RBFOX3: variants seen among roughly 807,000 people sequenced by gnomAD.
RBFOX3 encodes RNA binding fox-1 homolog 3, also known as RNA binding protein fox-1 homolog 3.
In RBFOX3, 17 loss-of-function variants were observed where a neutral mutation model predicts 48.7. That is an observed-to-expected ratio of 0.35 (90% CI 0.24 to 0.52). The LOEUF (loss-of-function observed/expected upper bound fraction) is 0.52, where lower values mean the gene tolerates loss of function less well. Ranked by LOEUF, RBFOX3 falls within the 20% of genes least tolerant of loss-of-function variation. The pLI, the probability that RBFOX3 is intolerant of heterozygous loss-of-function variation, is 0.94. For synonymous variants in RBFOX3, 212 were observed against 209.5 expected (o/e 1.01, Z -0.10); for missense variants, 382 against 497.5 (o/e 0.77, Z 2.21).
chr17:79,591,213 G>A (rs2093406805), intron 1 of RBFOX3, among the ~76,000 whole-genome samples: 1 of 152,084 alleles, frequency 6.6e-6, no homozygotes, highest in Admixed American at 6.6e-5. Flanking sequence ...CCGGGGGTCG[G>A]CACCCATTGC....
In RBFOX3 at chr17:79,391,206, G is replaced by A. The variant is rs567317577; in HGVS notation, c.-174-83382C>T. 6.6e-6 allele frequency among the ~76,000 whole-genome samples: 1 copy of A among 152,054 alleles called. No individual in the cohort carries two copies. Among genetic ancestry groups the A allele is most frequent in the South Asian group, 2.1e-4 (1 of 4,802 alleles). ...ATCAAACTCCAGCTTCTCTTCAACCGTCAGCGACTTCCCCACTGCTTGCAG... is the reference window on the plus strand; with the variant it reads ...ATCAAACTCCAGCTTCTCTTCAACCATCAGCGACTTCCCCACTGCTTGCAG... On this transcript the variant is annotated intron_variant, in intron 2 of 14. Coordinates refer to ENST00000693108, the MANE Select transcript of RBFOX3 (RefSeq NM_001350451.2). This position sits in a 1 kb window ranked among gnomAD's most constrained non-coding sequence, Gnocchi z 5.0.
intron 4 of RBFOX3, among the ~76,000 whole-genome samples, chr17:79,145,652 A>G (rs2144518545): frequency 6.6e-6 from 1 of 152,316 alleles, no homozygotes; most frequent in African/African-American, 2.4e-5. Flanking sequence ...CAGGGAGGAA[A>G]TGGGGCATTC....
chr17:79,573,881 TCTC>T (rs2092769043), intron 1 of RBFOX3, among the ~76,000 whole-genome samples: 1 of 152,122 alleles, frequency 6.6e-6, no homozygotes, highest in Non-Finnish European at 1.5e-5. Context: ...AATGCCTCCT[TCTC>T]CTCCCTGGCT....
intron 4 of RBFOX3, among the ~76,000 whole-genome samples, chr17:79,169,939 G>A (rs184355941): frequency 3.3e-5 from 5 of 150,310 alleles, no homozygotes; most frequent in Middle Eastern, 3.4e-3. Context: ...AAGAAGAGAA[G>A]GAAAGAAGGA....
At chr17:79,385,396 T>C (rs1283762662) in intron 2 of RBFOX3, among the ~76,000 whole-genome samples, 1 of 152,106 alleles carries the variant, frequency 6.6e-6, no homozygotes, top group Non-Finnish European at 1.5e-5. Flanking sequence ...AAGAAGCTCA[T>C]GGAGGAGCCT....
At chr17:79,331,512 CT>C (rs1339282502) in intron 2 of RBFOX3, among the ~76,000 whole-genome samples, 2 of 152,214 alleles carry the variant, frequency 1.3e-5, no homozygotes, top group Admixed American at 6.5e-5. Flanking sequence ...TCTGCCCCCC[CT>C]GGACCCCTGG....
intron 5 of RBFOX3, among the ~76,000 whole-genome samples, chr17:79,108,320 G>A (rs985566791): frequency 6.6e-6 from 1 of 152,252 alleles, no homozygotes; most frequent in Non-Finnish European, 1.5e-5. Flanking sequence ...ATGGTCTCCC[G>A]TGTGGCCTGC....
At chr17:79,512,448 T>C (rs1255434807) in intron 1 of RBFOX3, among the ~76,000 whole-genome samples, 2 of 88,590 alleles carry the variant, frequency 2.3e-5, no homozygotes, top group Non-Finnish European at 4.4e-5. Flanking sequence ...TCGAGTACAG[T>C]CCTATAGCCA....
chr17:79,160,477 G>A (rs1020056829), intron 4 of RBFOX3, among the ~76,000 whole-genome samples: 31 of 152,192 alleles, frequency 2.0e-4, no homozygotes, highest in Middle Eastern at 3.2e-3. Flanking sequence ...GCAGTCCCCC[G>A]TATGTGGGGC....
chr17:79,438,522 T>C (rs1157862519), intron 2 of RBFOX3, among the ~76,000 whole-genome samples: 3 of 152,254 alleles, frequency 2.0e-5, no homozygotes, highest in Non-Finnish European at 4.4e-5. Flanking sequence ...CTCCTGGATC[T>C]TGAACATTCG....
intron 1 of RBFOX3, among the ~76,000 whole-genome samples, chr17:79,520,013 C>G (rs1054477131): frequency 0.046 from 7,039 of 152,250 alleles, 305 homozygotes; most frequent in African/African-American, 0.12. Context: ...TAGCAACCCT[C>G]AACCTCAGTG....
chr17:79,216,671 C>A (rs62062886), intron 4 of RBFOX3, among the ~76,000 whole-genome samples: 351 of 152,278 alleles, frequency 2.3e-3, no homozygotes, highest in South Asian at 5.2e-3. Flanking sequence ...CACATGCCCA[C>A]CCGTTCTGGC....
intron 1 of RBFOX3, among the ~76,000 whole-genome samples, chr17:79,538,956 T>G (rs548195632): frequency 4.1e-4 from 63 of 152,246 alleles, no homozygotes; most frequent in Non-Finnish European, 6.5e-4. Flanking sequence ...TAAATACGCA[T>G]GCAAACAACC....
At position 79,134,506 on chromosome 17, in the gene RBFOX3, C is replaced by T. The variant is rs149095875; in HGVS notation, c.-33-18758G>A. On this transcript the variant is annotated intron_variant, in intron 4 of 14. Transcript: ENST00000693108. The stretch of plus-strand genomic sequence containing the variant: ...AGGTGCACACAGCTCTGCAGCCTTG[C>T]AGCTGGGACACAGTGAGGTCTGTGT... Among the ~76,000 whole-genome samples, 386 of 152,332 alleles carry T rather than the reference C, an allele frequency of 2.5e-3. 3 individuals carry two copies. Among genetic ancestry groups the T allele is most frequent in the African/African-American group, 8.9e-3 (368 of 41,576 alleles).
In RBFOX3 at chr17:79,481,891, C is replaced by T. The variant is rs1598883785; in HGVS notation, c.-175+563G>A. ...GCAGGTGACCCTGGCAGCTTGCATT[C>T]GAAGTGAGAGCCATCTTACAGAGCA... On this transcript the variant is annotated intron_variant, in intron 2 of 14. Coordinates refer to ENST00000693108, the MANE Select transcript of RBFOX3 (RefSeq NM_001350451.2). This position sits in a 1 kb window ranked among gnomAD's most constrained non-coding sequence, Gnocchi z 5.4. Among the ~76,000 whole-genome samples the T allele has an allele frequency of 6.6e-6, 1 of 152,178 alleles. No homozygotes were observed. Among genetic ancestry groups the T allele is most frequent in the Non-Finnish European group, 1.5e-5 (1 of 68,034 alleles).
chr17:79,244,287 C>T (rs533149423), intron 3 of RBFOX3, among the ~76,000 whole-genome samples: 20 of 152,112 alleles, frequency 1.3e-4, no homozygotes, highest in East Asian at 3.9e-4. Context: ...CAGGCTAGGG[C>T]GCGCTGAAAA....
chr17:79,497,572 G>A (rs1260547291), intron 1 of RBFOX3, among the ~76,000 whole-genome samples: 2 of 152,238 alleles, frequency 1.3e-5, no homozygotes, highest in African/African-American at 4.8e-5. Context: ...TCCACACAAA[G>A]CCTGGCTCTT....
intron 2 of RBFOX3, among the ~76,000 whole-genome samples, chr17:79,437,825 G>T (rs2069861862): frequency 6.6e-6 from 1 of 152,230 alleles, no homozygotes; most frequent in South Asian, 2.1e-4. Flanking sequence ...TTGGGAATCT[G>T]GAAAACCATT....
intron 4 of RBFOX3, among the ~76,000 whole-genome samples, chr17:79,145,781 G>A (rs939283712): frequency 3.4e-5 from 5 of 147,150 alleles, no homozygotes; most frequent in Non-Finnish European, 7.5e-5. Flanking sequence ...CGGCCCACAC[G>A]GGGGCTCTCA....
Sources: gnomAD v4.1 joint callset for allele counts (sites outside exome capture counted in the v4.1 genomes callset) on GRCh38, gnomAD v4.1.1 for gene constraint, Gnocchi (gnomAD v3.1) non-coding constraint, MANE v1.5 for transcripts, NCBI Gene and HGNC (gene_info 2026-07-23, HGNC 2026-07-21) for gene names.